RAB31: variants seen among roughly 807,000 people sequenced by gnomAD.
RAB31 encodes the protein ras-related protein Rab-31.
RAB31 carries 21 observed loss-of-function variants against 25.6 expected under a neutral mutation model. That is an observed-to-expected ratio of 0.82 (90% CI 0.58 to 1.18). The LOEUF is 1.18. Among genes scored for constraint, RAB31 ranks in the 50% most tolerant of loss-of-function variants. RAB31 has a pLI of 0.00. For synonymous variants in RAB31, 87 were observed against 84.0 expected (o/e 1.04, Z -0.20); for missense variants, 196 against 250.1 (o/e 0.78, Z 1.46).
At chr18:9,847,406 A>G (rs2068767264) in intron 6 of RAB31, among the ~76,000 whole-genome samples, 1 of 152,166 alleles carries the variant, frequency 6.6e-6, no homozygotes, top group Non-Finnish European at 1.5e-5. Context: ...CACAGATATC[A>G]GTGGTCAGCC....
chr18:9,788,701 C>T (rs536521633), intron 2 of RAB31, among the ~76,000 whole-genome samples: 1 of 152,344 alleles, frequency 6.6e-6, no homozygotes, highest in Non-Finnish European at 1.5e-5. Context: ...CGTGGTGGCT[C>T]ACACCTGTAA....
Position 9,775,309 on chromosome 18 carries a change from G to T in RAB31, c.71G>T (p.Cys24Phe), listed in dbSNP as rs745891250. The change falls in exon 2 of 7, where the codon TGT becomes TTT. Residue 24 changes from cysteine to phenylalanine, a missense_variant. Coordinates refer to ENST00000578921, the MANE Select transcript of RAB31 (RefSeq NM_006868.4). The part of the protein sequence containing the change: ...DTGVGKSSIV[C>F]RFVQDHFDHN... The stretch of plus-strand genomic sequence containing the variant: ...GGGGTTGGGAAATCAAGCATCGTGT[G>T]TCGATTTGTCCAGGATCACTTTGAC... 1 of 1,613,854 alleles carries T rather than the reference G, an allele frequency of 6.2e-7. No homozygotes were observed. The highest frequency in any genetic ancestry group is 2.2e-5 in the East Asian group (1 of 44,880).
chr18:9,789,648 G>T (rs1407931328), intron 2 of RAB31, among the ~76,000 whole-genome samples: 1 of 152,126 alleles, frequency 6.6e-6, no homozygotes, highest in African/African-American at 2.4e-5. Context: ...AATATGATTG[G>T]TTTTTATTTT....
At chr18:9,814,200 T>C in intron 4 of RAB31, 109 bp downstream of exon 4, 1 of 723,310 alleles carries the variant, frequency 1.4e-6, no homozygotes, top group South Asian at 1.7e-5. Flanking sequence ...CGTGCCACTA[T>C]ATATTGAGTT....
intron 5 of RAB31, among the ~76,000 whole-genome samples, chr18:9,824,406 A>G (rs1411681953): frequency 1.4e-5 from 2 of 138,504 alleles, no homozygotes; most frequent in African/African-American, 5.9e-5. Flanking sequence ...ATGTATGTGT[A>G]TATGAGTGTG....
chr18:9,821,042 G>C (rs187584391), intron 5 of RAB31, among the ~76,000 whole-genome samples: 1 of 152,088 alleles, frequency 6.6e-6, no homozygotes, highest in Non-Finnish European at 1.5e-5. Flanking sequence ...TGTAAGCACT[G>C]CTCTAGCTGC....
At chr18:9,716,091 G>T (rs1016834936) in intron 1 of RAB31, among the ~76,000 whole-genome samples, 3 of 152,150 alleles carry the variant, frequency 2.0e-5, no homozygotes, top group Middle Eastern at 3.2e-3. Context: ...TCCAGTTAGA[G>T]ATCATGTATT....
At chr18:9,786,339 C>G (rs1599037972) in intron 2 of RAB31, among the ~76,000 whole-genome samples, 1 of 152,238 alleles carries the variant, frequency 6.6e-6, no homozygotes, top group East Asian at 1.9e-4. Flanking sequence ...GTCTCTTCAT[C>G]TGTATGCTTT....
At chr18:9,805,768 G>T (rs2068537299) in intron 3 of RAB31, among the ~76,000 whole-genome samples, 1 of 152,208 alleles carries the variant, frequency 6.6e-6, no homozygotes, top group African/African-American at 2.4e-5. Flanking sequence ...GTAAACCTGT[G>T]TCTTAATTAT....
rs142255534 is a variant in RAB31 at position 9,777,879 on chromosome 18, T to A, written c.119+2522T>A. Among the ~76,000 whole-genome samples the A allele has an allele frequency of 5.8e-3, 871 of 151,064 alleles. 7 individuals are homozygous for A. The highest frequency in any genetic ancestry group is 0.02 in the African/African-American group (830 of 41,106). On this transcript the variant is annotated intron_variant, in intron 2 of 6. Transcript: ENST00000578921. Reference sequence around the variant, plus strand: ...AAGCGATTCTCCTGCCTCAGCCTCCTGAGTAGCTGGGATTACAGGTGCCCG... The same window carrying A: ...AAGCGATTCTCCTGCCTCAGCCTCCAGAGTAGCTGGGATTACAGGTGCCCG...
At chr18:9,734,591 G>T (rs973607368) in intron 1 of RAB31, among the ~76,000 whole-genome samples, 1 of 152,126 alleles carries the variant, frequency 6.6e-6, no homozygotes, top group Non-Finnish European at 1.5e-5. Flanking sequence ...CAGCAGAAAG[G>T]AGAGGCAGGC....
At chr18:9,720,791 C>G (rs147322142) in intron 1 of RAB31, among the ~76,000 whole-genome samples, 1 of 151,124 alleles carries the variant, frequency 6.6e-6, no homozygotes, top group Non-Finnish European at 1.5e-5. Flanking sequence ...CTTGACAGGG[C>G]GAGATCCATT....
Position 9,837,060 on chromosome 18 carries a change from G to C in RAB31, c.381-8522G>C, listed in dbSNP as rs186653174. On this transcript the variant is annotated intron_variant, in intron 5 of 6. Coordinates refer to ENST00000578921, the MANE Select transcript of RAB31 (RefSeq NM_006868.4). ...GGGGAGATTCAGTGTGTGAAGAACG[G>C]GGTGAGACACATGAAGAGAGTCAGT... 2.2e-3 allele frequency among the ~76,000 whole-genome samples: 333 copies of C among 151,886 alleles called. 3 individuals carry two copies. Among genetic ancestry groups the C allele is most frequent in the African/African-American group, 7.6e-3 (315 of 41,384 alleles).
intron 6 of RAB31, among the ~76,000 whole-genome samples, chr18:9,856,862 T>C (rs551904843): frequency 5.7e-4 from 87 of 152,292 alleles, no homozygotes; most frequent in African/African-American, 2.0e-3. Context: ...AGTAACTCTT[T>C]ATTGGCAAGA....
chr18:9,757,593 C>G (rs191228155), intron 1 of RAB31, among the ~76,000 whole-genome samples: 2 of 152,256 alleles, frequency 1.3e-5, no homozygotes, highest in African/African-American at 4.8e-5. Context: ...CTAGCTTTAG[C>G]CACGTTGAAC....
chr18:9,720,397 C>T (rs539111431), intron 1 of RAB31, among the ~76,000 whole-genome samples: 2 of 152,280 alleles, frequency 1.3e-5, no homozygotes, highest in Admixed American at 1.3e-4. Context: ...TACCAGACAT[C>T]CCAGTGGGAT....
intron 5 of RAB31, among the ~76,000 whole-genome samples, chr18:9,845,279 C>T (rs1486053740): frequency 6.6e-6 from 1 of 152,192 alleles, no homozygotes; most frequent in Non-Finnish European, 1.5e-5. Flanking sequence ...TCAGCTGTAG[C>T]TCTGAAAGCT....
intron 1 of RAB31, among the ~76,000 whole-genome samples, chr18:9,712,259 T>C (rs1418783471): frequency 6.6e-6 from 1 of 152,166 alleles, no homozygotes; most frequent in African/African-American, 2.4e-5. Context: ...AGGTTACCTG[T>C]TATAAATTCT....
rs757625303 is a variant in RAB31 at position 9,792,217 on chromosome 18, C to T, written c.183C>T (p.Asp61=). The change falls in exon 3 of 7, where the codon GAC becomes GAT. Residue 61 remains aspartate (D), a synonymous_variant. Transcript: ENST00000578921. ...GNELHKFLIW[D]TAGQERFHSL... ...AACTTCACAAGTTCCTCATCTGGGA[C>T]ACTGCTGGTCAGGAACGGGTGAGTA... The T allele has an allele frequency of 6.2e-7, 1 of 1,612,102 alleles. No homozygotes were observed. Among genetic ancestry groups the T allele is most frequent in the Non-Finnish European group, 8.5e-7 (1 of 1,179,074 alleles).
Sources: gnomAD v4.1 joint callset for allele counts (sites outside exome capture counted in the v4.1 genomes callset) on GRCh38, gnomAD v4.1.1 for gene constraint, MANE v1.5 for transcripts, NCBI Gene and HGNC (gene_info 2026-07-23, HGNC 2026-07-21) for gene names.